WASHC2C: variants seen among roughly 807,000 people sequenced by gnomAD.
WASHC2C encodes Vaccinia Penetration Factor.
WASHC2C carries 73 observed loss-of-function variants against 142.2 expected under a neutral mutation model. The observed-to-expected ratio is 0.51, with a 90% CI of 0.43 to 0.62. The LOEUF is 0.62. Among genes scored for constraint, WASHC2C ranks in the 20% least tolerant of loss-of-function variants. WASHC2C has a pLI of 0.00. For missense variants in WASHC2C, 969 were observed against 1,531.7 expected (o/e 0.63, Z 6.13); for synonymous variants, 337 against 565.5 (o/e 0.60, Z 5.73).
chr10:45,784,367 AT>A (rs1333878694), intron 23 of WASHC2C, among the ~76,000 whole-genome samples, 197 bp from the exon 24 acceptor site: 5 of 137,942 alleles, frequency 3.6e-5, no homozygotes, highest in African/African-American at 1.3e-4. Flanking sequence ...ATTTTCTGGT[AT>A]TTTTGGAAGC....
chr10:45,790,229 G>C, intron 29 of WASHC2C, 127 bp from the exon 30 acceptor site: 1 of 1,481,860 alleles, frequency 6.7e-7, no homozygotes, highest in South Asian at 1.2e-5. Context: ...ATCCCAGGCA[G>C]AGTGGGCAGT....
chr10:45,765,285 G>C (rs1348516115), intron 18 of WASHC2C, among the ~76,000 whole-genome samples: 1 of 150,718 alleles, frequency 6.6e-6, no homozygotes, highest in Non-Finnish European at 1.5e-5. Flanking sequence ...TTTCTCATTC[G>C]TGGAGACAAC....
In WASHC2C at chr10:45,727,494, G is replaced by T; in HGVS notation, c.81G>T (p.Glu27Asp). Reference protein sequence around the residue: ...PVWERPWSVEEIRRSSQSWSL... With the variant: ...PVWERPWSVEDIRRSSQSWSL... ...GGGAGCGGCCGTGGTCGGTGGAGGA[G>T]ATCCGCAGGAGCAGCCAGAGCTGGT... The change falls in exon 2 of 31, where the codon GAG becomes GAT. Residue 27 changes from glutamate to aspartate, a missense_variant. Transcript: ENST00000623400. 2 of 1,605,634 alleles carry T rather than the reference G, an allele frequency of 1.2e-6. No individual in the cohort carries two copies. The highest frequency in any genetic ancestry group is 2.7e-5 in the African/African-American group (2 of 74,902).
At chr10:45,728,001 G>C (rs1328272049) in intron 2 of WASHC2C, among the ~76,000 whole-genome samples, 5 of 152,154 alleles carry the variant, frequency 3.3e-5, no homozygotes, top group Non-Finnish European at 5.9e-5. Flanking sequence ...GCTAACCCTT[G>C]GTCTGTGATC....
At chr10:45,779,326 A>T (rs574361413) in intron 23 of WASHC2C, among the ~76,000 whole-genome samples, 191 bp downstream of exon 23, 62 of 146,132 alleles carry the variant, frequency 4.2e-4, no homozygotes, top group Admixed American at 7.5e-4. Flanking sequence ...CAGTGTTAGG[A>T]TAGGGGATTA....
chr10:45,735,459 T>G (rs2051102632), intron 3 of WASHC2C, among the ~76,000 whole-genome samples: 1 of 148,794 alleles, frequency 6.7e-6, no homozygotes, highest in South Asian at 2.1e-4. Flanking sequence ...CAGGCTGGTC[T>G]CAAACTCCTG....
At chr10:45,748,283 CTT>C (rs1160119861) in intron 8 of WASHC2C, among the ~76,000 whole-genome samples, 3 of 57,190 alleles carry the variant, frequency 5.2e-5, no homozygotes, top group East Asian at 4.7e-4. Flanking sequence ...TTTTTCTTTC[CTT>C]TTTTTTTTTT....
At chr10:45,745,463 T>C (rs2052702213) in intron 7 of WASHC2C, among the ~76,000 whole-genome samples, 1 of 151,750 alleles carries the variant, frequency 6.6e-6, no homozygotes, top group South Asian at 2.1e-4. Flanking sequence ...GACACAGCCA[T>C]GTTGCAGGAG....
intron 4 of WASHC2C, among the ~76,000 whole-genome samples, chr10:45,739,530 A>G (rs2051716594): frequency 1.3e-5 from 2 of 151,984 alleles, no homozygotes; most frequent in African/African-American, 4.8e-5. Context: ...GTTGTAGGGT[A>G]TACACAGAAT....
intron 28 of WASHC2C, among the ~76,000 whole-genome samples, chr10:45,788,411 C>T (rs1554891183): frequency 6.6e-6 from 1 of 152,180 alleles, no homozygotes; most frequent in Non-Finnish European, 1.5e-5. Context: ...TCATGTTTCT[C>T]CCCGCTCCTG....
chr10:45,729,922 A>C (rs2597051), intron 3 of WASHC2C, among the ~76,000 whole-genome samples: 2 of 152,342 alleles, frequency 1.3e-5, no homozygotes, highest in South Asian at 4.2e-4. Flanking sequence ...TTAATAGCTC[A>C]AGTTAAATGC....
At position 45,777,257 on chromosome 10, in the gene WASHC2C, A is replaced by G; in HGVS notation, c.2143-16A>G. 6.4e-7 allele frequency: 1 copy of G among 1,554,168 alleles called. No individual in the cohort carries two copies. Among genetic ancestry groups the G allele is most frequent in the Non-Finnish European group, 8.8e-7 (1 of 1,133,034 alleles). ...TTTTTTATTGTTGTGGATGTCATGT[A>G]CTCTTCTTTTGGTAGAAAAAAGAGA... On this transcript the variant is annotated splice_polypyrimidine_tract_variant and intron_variant, in intron 21 of 30. Coordinates refer to ENST00000623400, the MANE Select transcript of WASHC2C (RefSeq NM_001330074.2).
intron 23 of WASHC2C, among the ~76,000 whole-genome samples, chr10:45,783,496 G>C (rs1340477783): frequency 6.6e-6 from 1 of 152,110 alleles, no homozygotes; most frequent in Admixed American, 6.5e-5. Flanking sequence ...GAGTCCTACT[G>C]TGTTGCCCAG....
At chr10:45,783,807 A>T (rs1319850613) in intron 23 of WASHC2C, among the ~76,000 whole-genome samples, 1 of 152,206 alleles carries the variant, frequency 6.6e-6, no homozygotes, top group Non-Finnish European at 1.5e-5. Flanking sequence ...AATAGGGATG[A>T]ATTTTAGAAT....
At chr10:45,759,580 T>G (rs1339360303) in intron 17 of WASHC2C, among the ~76,000 whole-genome samples, 179 bp downstream of exon 17, 8 of 152,102 alleles carry the variant, frequency 5.3e-5, no homozygotes, top group South Asian at 2.1e-4. Context: ...AGCACTTTGG[T>G]AGGCCAAGGC....
chr10:45,758,283 C>T (rs2054581041), intron 16 of WASHC2C, among the ~76,000 whole-genome samples: 1 of 152,222 alleles, frequency 6.6e-6, no homozygotes, highest in Non-Finnish European at 1.5e-5. Context: ...GTGCCCACCA[C>T]ACTGCTTCAT....
chr10:45,731,564 T>C (rs2050583823), intron 3 of WASHC2C, among the ~76,000 whole-genome samples: 1 of 148,534 alleles, frequency 6.7e-6, no homozygotes, highest in Non-Finnish European at 1.5e-5. Context: ...GCTCGGCCCT[T>C]AGTGTTAAGT....
intron 8 of WASHC2C, among the ~76,000 whole-genome samples, chr10:45,747,757 A>T (rs2053024651): frequency 1.3e-5 from 2 of 149,674 alleles, no homozygotes; most frequent in South Asian, 4.2e-4. Context: ...ATGCCCGGCT[A>T]ATTTTTTGTA....
At chr10:45,727,926 A>C in intron 2 of WASHC2C, among the ~76,000 whole-genome samples, 1 of 152,360 alleles carries the variant, frequency 6.6e-6, no homozygotes, top group South Asian at 2.1e-4. Context: ...TCGGGGGCCC[A>C]AAAAGCTCAG....
Sources: gnomAD v4.1 joint callset for allele counts (sites outside exome capture counted in the v4.1 genomes callset) on GRCh38, gnomAD v4.1.1 for gene constraint, MANE v1.5 for transcripts, NCBI Gene and HGNC (gene_info 2026-07-23, HGNC 2026-07-21) for gene names.